Variants in TDRD9 observed in about 807,000 individuals in gnomAD.
The protein encoded by TDRD9 is ATP-dependent RNA helicase TDRD9.
Under a neutral mutation model 172.6 loss-of-function variants are expected in TDRD9, and 124 were observed. That is an observed-to-expected ratio of 0.72 (90% CI 0.62 to 0.83). TDRD9 has a LOEUF of 0.83. Among genes scored for constraint, TDRD9 ranks in the 40% least tolerant of loss-of-function variants. The pLI is 0.00. For synonymous variants in TDRD9, 619 were observed against 617.1 expected (o/e 1.00, Z -0.05); for missense variants, 1,479 against 1,714.1 (o/e 0.86, Z 2.42).
At chr14:104,008,791 G>C (rs1340253045) in intron 20 of TDRD9, among the ~76,000 whole-genome samples, 1 of 152,296 alleles carries the variant, frequency 6.6e-6, no homozygotes, top group Admixed American at 6.5e-5. Context: ...GCTCACACCT[G>C]TAGTCCCAGC....
At chr14:103,929,312 A>G (rs1303317735) in intron 1 of TDRD9, among the ~76,000 whole-genome samples, 2 of 151,910 alleles carry the variant, frequency 1.3e-5, no homozygotes, top group Non-Finnish European at 2.9e-5. Context: ...TTGCTTTTCC[A>G]TACTGTCATC....
At chr14:103,955,269 G>C (rs2032139601) in intron 1 of TDRD9, among the ~76,000 whole-genome samples, 1 of 152,142 alleles carries the variant, frequency 6.6e-6, no homozygotes, top group African/African-American at 2.4e-5. Context: ...AGGAGGTTGA[G>C]GTGGGAGGAT....
Position 104,005,267 on chromosome 14 carries a change from T to G in TDRD9, c.1582-7T>G. 1 of 1,613,890 alleles carries G rather than the reference T, an allele frequency of 6.2e-7. No individual in the cohort carries two copies. Among genetic ancestry groups the G allele is most frequent in the Non-Finnish European group, 8.5e-7 (1 of 1,179,808 alleles). On this transcript the variant is annotated splice_region_variant and splice_polypyrimidine_tract_variant and intron_variant, in intron 14 of 35. Transcript: ENST00000409874. ...TTATTTCTAATCTCAGGCTTGTTTC[T>G]TTTCAGCGTTGTCCATTAGGAAGCA...
chr14:104,005,439 C>T, intron 15 of TDRD9, 34 bp downstream of exon 15: 2 of 1,611,936 alleles, frequency 1.2e-6, no homozygotes, highest in South Asian at 2.2e-5. Flanking sequence ...CTGTTGGCAT[C>T]TGTAGAGCTG....
At chr14:103,968,468 T>C (rs1212817459) in intron 5 of TDRD9, among the ~76,000 whole-genome samples, 2 of 152,082 alleles carry the variant, frequency 1.3e-5, no homozygotes, top group East Asian at 3.9e-4. Context: ...TGGAATAATG[T>C]TTTAAACTTT....
chr14:103,930,714 C>T (rs1188134049), intron 1 of TDRD9, among the ~76,000 whole-genome samples: 1 of 152,194 alleles, frequency 6.6e-6, no homozygotes, highest in African/African-American at 2.4e-5. Flanking sequence ...TTGAGCTACT[C>T]TGGTAAATGA....
chr14:104,009,421 A>G (rs2034541395), intron 20 of TDRD9, among the ~76,000 whole-genome samples: 1 of 152,190 alleles, frequency 6.6e-6, no homozygotes, highest in African/African-American at 2.4e-5. Context: ...TATAAAAGAT[A>G]AAAATGGCAT....
chr14:103,967,010 A>G (rs1248155679), intron 5 of TDRD9, among the ~76,000 whole-genome samples, 179 bp downstream of exon 5: 1 of 152,170 alleles, frequency 6.6e-6, no homozygotes, highest in Non-Finnish European at 1.5e-5. Context: ...TATTTTAAAC[A>G]TGAGTTTTTT....
chr14:104,042,004 T>A, intron 33 of TDRD9, 65 bp from the exon 34 acceptor site: 1 of 1,067,904 alleles, frequency 9.4e-7, no homozygotes, highest in Non-Finnish European at 1.5e-6. Context: ...CTATGAATTC[T>A]CTAACGGGAT....
At chr14:103,929,411 C>T (rs964349933) in intron 1 of TDRD9, among the ~76,000 whole-genome samples, 2 of 152,084 alleles carry the variant, frequency 1.3e-5, no homozygotes, top group African/African-American at 4.8e-5. Flanking sequence ...CCATGCCTTT[C>T]CATGGTTTGA....
At chr14:104,033,689 C>A (rs1281047161) in intron 30 of TDRD9, among the ~76,000 whole-genome samples, 1 of 151,960 alleles carries the variant, frequency 6.6e-6, no homozygotes, top group South Asian at 2.1e-4. Flanking sequence ...GCATCCCCAG[C>A]GTGTGCGTGG....
intron 2 of TDRD9, among the ~76,000 whole-genome samples, chr14:103,958,193 T>C (rs2032337635): frequency 6.6e-6 from 1 of 152,222 alleles, no homozygotes. Flanking sequence ...AAGCCAGCTC[T>C]ATGGGGGTGT....
intron 32 of TDRD9, among the ~76,000 whole-genome samples, chr14:104,039,007 C>T (rs547464599): frequency 1.3e-5 from 2 of 152,208 alleles, no homozygotes; most frequent in East Asian, 1.9e-4. Context: ...AAGACATACC[C>T]GAGACTGGGT....
In TDRD9 at chr14:104,040,305, G is replaced by T. The variant is rs182776644; in HGVS notation, c.3826G>T (p.Val1276Phe). ...PEHDMELAFDVQFSVEDVVEV... is the reference protein window; with the variant it reads ...PEHDMELAFDFQFSVEDVVEV... ...GCACGACATGGAGCTTGCGTTTGAC[G>T]TTCAATTCAGCGTGGAGGATGTCGT... is the stretch of plus-strand genomic sequence containing the variant. Residue 1276 changes from valine (V) to phenylalanine (F), a missense_variant, in exon 33 of 36, where the codon GTT becomes TTT. By Grantham distance (50) the Val-to-Phe change is conservative. Around this residue, in one of 3 missense-constraint regions of TDRD9, gnomAD observed 1,413 missense variants for 1,649.1 expected, o/e 0.86. Transcript: ENST00000409874. 2,515 of 1,551,250 alleles carry T rather than the reference G, an allele frequency of 1.6e-3. 3 individuals carry two copies. The highest frequency in any genetic ancestry group is 2.2e-3 in the Middle Eastern group (13 of 5,992).
In TDRD9 at chr14:104,006,687, C is replaced by T. The variant is rs374185759; in HGVS notation, c.1921C>T (p.Arg641Trp). 3.3e-4 allele frequency: 528 copies of T among 1,613,714 alleles called. No homozygotes were observed. The highest frequency in any genetic ancestry group is 4.0e-4 in the Non-Finnish European group (477 of 1,179,856). The stretch of plus-strand genomic sequence containing the variant: ...GAAGAATTTTTTTGCAATGCCTTTC[C>T]GGCAGCATCTCGATGGATATAGGTA... ...SLKNFFAMPF[R>W]QHLDGYRNKV... The change falls in exon 17 of 36, where the codon CGG becomes TGG. Residue 641 changes from arginine to tryptophan, a missense_variant. By Grantham distance (101) the Arg-to-Trp change is moderately radical. Around this residue, in one of 3 missense-constraint regions of TDRD9, gnomAD observed 1,413 missense variants for 1,649.1 expected, o/e 0.86. Transcript: ENST00000409874.
chr14:103,965,645 A>G, intron 4 of TDRD9, 91 bp downstream of exon 4: 2 of 1,165,454 alleles, frequency 1.7e-6, no homozygotes, highest in Non-Finnish European at 2.4e-6. Context: ...AGTTGATAGT[A>G]TGTGACCATT....
chr14:103,960,703 A>G (rs1347011215), intron 2 of TDRD9, among the ~76,000 whole-genome samples: 2 of 152,208 alleles, frequency 1.3e-5, no homozygotes, highest in East Asian at 3.8e-4. Flanking sequence ...AGTGACCTAA[A>G]AATGTCAGCT....
In TDRD9 at chr14:104,016,072, C is replaced by A; in HGVS notation, c.2315C>A (p.Pro772His). 1 of 1,602,390 alleles carries A rather than the reference C, an allele frequency of 6.2e-7. No homozygotes were observed. Among genetic ancestry groups the A allele is most frequent in the East Asian group, 2.2e-5 (1 of 44,478 alleles). ...GTGAGGGAGCTGGCTGGCAAGGACC[C>A]CAAGACAACTGTCGTGGTAGGTGCT... Reference protein sequence around the residue: ...MAVRELAGKDPKTTVVLKHIP... With the variant: ...MAVRELAGKDHKTTVVLKHIP... Residue 772 changes from proline (P) to histidine (H), a missense_variant, in exon 22 of 36, where the codon CCC becomes CAC. By Grantham distance (77) the Pro-to-His change is moderately conservative (BLOSUM62 -2). This residue lies in a region of TDRD9 where 1,413 missense variants were observed against 1,649.1 expected (regional missense o/e 0.86). Coordinates refer to ENST00000409874, the MANE Select transcript of TDRD9 (RefSeq NM_153046.3).
chr14:104,042,601 G>GACTCTCCATGGGAC (rs1397978342), intron 34 of TDRD9, among the ~76,000 whole-genome samples: 6 of 152,166 alleles, frequency 3.9e-5, no homozygotes, highest in Non-Finnish European at 8.8e-5. Flanking sequence ...CCTCCTGCTG[G>GACTCTCCATGGGAC]ACTCTCCATG....
Sources: gnomAD v4.1 joint callset for allele counts (sites outside exome capture counted in the v4.1 genomes callset) on GRCh38, gnomAD v4.1.1 for gene constraint, gnomAD v4.1.1 regional missense constraint, MANE v1.5 for transcripts, NCBI Gene and HGNC (gene_info 2026-07-23, HGNC 2026-07-21) for gene names.